The following TAFA1 variants were observed in gnomAD, a reference collection of about 807,000 sequenced individuals.
TAFA1 encodes TAFA chemokine like family member 1.
TAFA1 carries 4 observed loss-of-function variants against 18.5 expected under a neutral mutation model. That is an observed-to-expected ratio of 0.22 (90% CI 0.11 to 0.49). TAFA1 has a LOEUF of 0.49. TAFA1 is among the 20% of genes least tolerant of loss of function. The pLI is 0.98. For synonymous variants in TAFA1, 56 were observed against 55.2 expected, an observed-to-expected ratio of 1.01 and a Z score of -0.06; for missense variants, 147 against 169.0, an observed-to-expected ratio of 0.87 and a Z score of 0.72.
intron 4 of TAFA1, among the ~76,000 whole-genome samples, chr3:68,541,051 G>A (rs534016449): frequency 2.2e-4 from 34 of 152,240 alleles, no homozygotes; most frequent in African/African-American, 7.9e-4. Flanking sequence ...CATTGCAGTC[G>A]GTTTGAAAGC....
chr3:68,392,950 G>T (rs2070293742), intron 2 of TAFA1, among the ~76,000 whole-genome samples: 1 of 152,088 alleles, frequency 6.6e-6, no homozygotes, highest in African/African-American at 2.4e-5. Flanking sequence ...AAAAGAACTA[G>T]AGAAGCAAGA....
chr3:68,498,339 G>A (rs2072588851), intron 3 of TAFA1, among the ~76,000 whole-genome samples: 1 of 152,254 alleles, frequency 6.6e-6, no homozygotes, highest in South Asian at 2.1e-4. Context: ...CACTGGGGAT[G>A]CAAAGATGAA....
In TAFA1 at chr3:68,262,349, A is replaced by ATATATATATATATT. The variant is rs2067450632; in HGVS notation, c.119-154922_119-154921insATATTTATATATAT. 1.1e-4 allele frequency among the ~76,000 whole-genome samples: 9 copies of ATATATATATATATT among 78,730 alleles called. 1 individual carries two copies. Among genetic ancestry groups the ATATATATATATATT allele is most frequent in the Non-Finnish European group, 1.7e-4 (7 of 40,880 alleles). The allele number at this position is 78,730 out of a possible 152,430, so 51.6% of individuals were successfully genotyped here. A position where few individuals can be genotyped will look rare whatever the true frequency, so the allele number is the denominator to read the frequency against. Reference sequence around the variant, plus strand: ...TATATATATATATATATATATATATATATATATATTTCATGGGTATATTGA... The same window carrying ATATATATATATATT: ...TATATATATATATATATATATATATATATATATATATATTTATATATATTTCATGGGTATATTGA... On this transcript the variant is annotated intron_variant, in intron 2 of 4. Transcript: ENST00000478136.
intron 2 of TAFA1, among the ~76,000 whole-genome samples, chr3:68,147,043 A>G (rs538618689): frequency 0.031 from 4,117 of 131,604 alleles, 80 homozygotes; most frequent in Non-Finnish European, 0.048. Context: ...GTGTGTGTAT[A>G]TATATATATA....
chr3:68,386,868 T>G (rs1262171624), intron 2 of TAFA1, among the ~76,000 whole-genome samples: 2 of 152,104 alleles, frequency 1.3e-5, no homozygotes, highest in African/African-American at 4.8e-5. Flanking sequence ...TGCATAAGAA[T>G]TAGGTCCTAG....
chr3:68,515,221 G>C (rs1877348), intron 3 of TAFA1, among the ~76,000 whole-genome samples: 121,668 of 152,012 alleles, frequency 0.8, 48,774 homozygotes, highest in East Asian at 0.89. Flanking sequence ...GTCTAAAAAG[G>C]GTGGGTGGAA....
chr3:68,388,032 A>G (rs1474347483), intron 2 of TAFA1, among the ~76,000 whole-genome samples: 3 of 152,206 alleles, frequency 2.0e-5, no homozygotes, highest in Admixed American at 6.5e-5. Context: ...CCTTAATTCC[A>G]TAATAGGCAT....
intron 2 of TAFA1, among the ~76,000 whole-genome samples, chr3:68,191,437 T>A (rs1054300134): frequency 1.3e-5 from 2 of 151,820 alleles, no homozygotes; most frequent in Non-Finnish European, 2.9e-5. Flanking sequence ...TCTTCATAGG[T>A]AAACTGAAGC....
At chr3:68,160,996 T>A (rs2065918821) in intron 2 of TAFA1, among the ~76,000 whole-genome samples, 1 of 152,174 alleles carries the variant, frequency 6.6e-6, no homozygotes, top group Admixed American at 6.6e-5. Flanking sequence ...TGGGTCACTA[T>A]CCATTTAGAT....
intron 2 of TAFA1, among the ~76,000 whole-genome samples, chr3:68,349,045 T>C (rs893511896): frequency 6.6e-6 from 1 of 151,622 alleles, no homozygotes; most frequent in South Asian, 2.1e-4. Flanking sequence ...CTTGTTTCTT[T>C]ATAGGAGACT....
chr3:68,504,098 T>G (rs1199886574), intron 3 of TAFA1, among the ~76,000 whole-genome samples: 1 of 152,114 alleles, frequency 6.6e-6, no homozygotes, highest in East Asian at 1.9e-4. Flanking sequence ...AGGCTAATAA[T>G]CACATTTTAG....
chr3:68,200,051 G>A (rs892392163), intron 2 of TAFA1, among the ~76,000 whole-genome samples: 5 of 151,442 alleles, frequency 3.3e-5, no homozygotes, highest in Non-Finnish European at 3.0e-5. Context: ...ATCATAAATG[G>A]ATGTTGGATT....
chr3:68,475,480 G>A (rs1479034134), intron 3 of TAFA1, among the ~76,000 whole-genome samples: 3 of 152,126 alleles, frequency 2.0e-5, no homozygotes, highest in Admixed American at 6.6e-5. Flanking sequence ...CCCTACAAAG[G>A]ACATGAGCTC....
intron 2 of TAFA1, among the ~76,000 whole-genome samples, chr3:68,332,102 A>G (rs2068886926): frequency 6.6e-6 from 1 of 151,464 alleles, no homozygotes; most frequent in South Asian, 2.1e-4. Context: ...TGACCTCGTG[A>G]TCCGCCCGCC....
intron 3 of TAFA1, among the ~76,000 whole-genome samples, chr3:68,457,644 G>A (rs2071689545): frequency 6.6e-6 from 1 of 152,150 alleles, no homozygotes; most frequent in East Asian, 1.9e-4. Context: ...ATCACTCTTT[G>A]TGGTGAGAAC....
At chr3:68,131,466 A>C (rs2065536302) in intron 2 of TAFA1, among the ~76,000 whole-genome samples, 1 of 152,078 alleles carries the variant, frequency 6.6e-6, no homozygotes, top group African/African-American at 2.4e-5. Flanking sequence ...CCCTTCCTGC[A>C]TCCTTATTTT....
intron 2 of TAFA1, among the ~76,000 whole-genome samples, chr3:68,194,510 T>C (rs947867532): frequency 6.6e-6 from 1 of 151,794 alleles, no homozygotes; most frequent in Non-Finnish European, 1.5e-5. Flanking sequence ...ATGCAATCGT[T>C]ATGAAAGATA....
chr3:68,146,611 T>A (rs1189857099), intron 2 of TAFA1, among the ~76,000 whole-genome samples: 3 of 152,222 alleles, frequency 2.0e-5, no homozygotes, highest in Non-Finnish European at 4.4e-5. Flanking sequence ...AAAAACATGT[T>A]TCTTATGGTT....
At chr3:68,490,555 A>G (rs2072431978) in intron 3 of TAFA1, among the ~76,000 whole-genome samples, 1 of 152,182 alleles carries the variant, frequency 6.6e-6, no homozygotes, top group Non-Finnish European at 1.5e-5. Flanking sequence ...AAGTTTGGAT[A>G]CAGAAGAACA....
Sources: allele counts gnomAD v4.1 joint callset (sites outside exome capture counted in the v4.1 genomes callset), GRCh38; gene constraint gnomAD v4.1.1; transcripts MANE v1.5; gene names NCBI Gene and HGNC (gene_info 2026-07-23, HGNC 2026-07-21).